The following NRXN1 variants were observed in gnomAD, a reference collection of about 807,000 sequenced individuals.
The protein encoded by NRXN1 is neurexin 1, also known as neurexin-1.
A neutral mutation model predicts 150.9 loss-of-function variants in NRXN1; 39 were observed. The ratio of observed to expected loss-of-function variants is 0.26; its 90% CI spans 0.20 to 0.34. NRXN1 has a LOEUF of 0.34. Among genes scored for constraint, NRXN1 ranks in the 10% least tolerant of loss-of-function variants. The probability of loss-of-function intolerance (pLI) is 1.00; values close to 1 mark genes in which losing one functional copy is unlikely to be tolerated. For synonymous variants in NRXN1, 924 were observed against 757.0 expected (o/e 1.22, Z -3.62); for missense variants, 1,815 against 1,949.9 (o/e 0.93, Z 1.30).
intron 17 of NRXN1, among the ~76,000 whole-genome samples, chr2:50,397,545 G>T (rs961293610): frequency 3.3e-5 from 5 of 152,058 alleles, no homozygotes; most frequent in African/African-American, 2.4e-5. Flanking sequence ...ACAGGTGAGG[G>T]CGTGAAGCTT....
chr2:50,697,707 T>A (rs1693131236), intron 5 of NRXN1, among the ~76,000 whole-genome samples: 1 of 152,216 alleles, frequency 6.6e-6, no homozygotes, highest in African/African-American at 2.4e-5. Flanking sequence ...AATCCTCAAA[T>A]AATATTTAGA....
At chr2:50,375,867 A>G (rs1213268228) in intron 17 of NRXN1, among the ~76,000 whole-genome samples, 1 of 152,138 alleles carries the variant, frequency 6.6e-6, no homozygotes, top group South Asian at 2.1e-4. Flanking sequence ...AAGTTTTTGG[A>G]AAAAACAATT....
intron 18 of NRXN1, among the ~76,000 whole-genome samples, chr2:50,134,667 T>C (rs986026461): frequency 2.6e-5 from 4 of 152,128 alleles, no homozygotes; most frequent in African/African-American, 9.7e-5. Flanking sequence ...CATCGCTTTT[T>C]CTCTCCCCTC....
intron 5 of NRXN1, among the ~76,000 whole-genome samples, chr2:50,794,112 G>A (rs1325461666): frequency 6.6e-6 from 1 of 152,086 alleles, no homozygotes; most frequent in Non-Finnish European, 1.5e-5. Context: ...ATAGTTCTGA[G>A]GCTGTGAAAC....
At position 50,498,941 on chromosome 2, in the gene NRXN1, T is replaced by C. The variant is rs186348119; in HGVS notation, c.2498-1227A>G. On this transcript the variant is annotated intron_variant, in intron 13 of 22. Transcript: ENST00000401669. ...CCATCATCCACATTATTAATGAAAA[T>C]ATTAATTAGAGCTAATCCCAGAATC... 1.7e-4 allele frequency among the ~76,000 whole-genome samples: 26 copies of C among 152,290 alleles called. No individual in the cohort carries two copies. The East Asian group carries it at 4.8e-3, about 28-fold the overall frequency.
At chr2:50,157,531 G>C (rs776251906) in intron 18 of NRXN1, among the ~76,000 whole-genome samples, 9 of 151,990 alleles carry the variant, frequency 5.9e-5, no homozygotes, top group Non-Finnish European at 1.0e-4. Context: ...ACATAATATA[G>C]GACTTACACA....
chr2:50,042,043 C>A (rs1006072301), intron 21 of NRXN1, among the ~76,000 whole-genome samples: 2 of 152,156 alleles, frequency 1.3e-5, no homozygotes, highest in African/African-American at 2.4e-5. Flanking sequence ...CATATCGCAT[C>A]CACCCCTTTT....
At chr2:50,035,114 G>T (rs1270017029) in intron 21 of NRXN1, among the ~76,000 whole-genome samples, 1 of 152,062 alleles carries the variant, frequency 6.6e-6, no homozygotes, top group African/African-American at 2.4e-5. Context: ...AGAAATAAAA[G>T]AATATAACCT....
chr2:51,016,787 A>G (rs1348513588), intron 2 of NRXN1, among the ~76,000 whole-genome samples: 1 of 152,186 alleles, frequency 6.6e-6, no homozygotes, highest in Admixed American at 6.5e-5. Context: ...TCATTCTACT[A>G]TAAAGACACA....
chr2:50,002,694 G>A lies in NRXN1; in HGVS notation c.4128+50577C>T, dbSNP rs908305630. The stretch of plus-strand genomic sequence containing the variant: ...TCTGTCATCCTTCCCTCATTTTTCT[G>A]CCCTGCTCTGTCCGCCATTCCCGAG... On this transcript the variant is annotated intron_variant, in intron 21 of 22. Transcript: ENST00000401669. Among the ~76,000 whole-genome samples, 3 of 151,928 alleles carry A rather than the reference G, an allele frequency of 2.0e-5. No homozygotes were observed. The South Asian group carries it at 6.2e-4, about 32-fold the overall frequency.
At chr2:50,384,132 T>G (rs755937856) in intron 17 of NRXN1, among the ~76,000 whole-genome samples, 1 of 152,172 alleles carries the variant, frequency 6.6e-6, no homozygotes, top group African/African-American at 2.4e-5. Flanking sequence ...TTTTCCTAAG[T>G]GACATCAAGC....
At chr2:50,945,274 G>C (rs528247551) in intron 2 of NRXN1, among the ~76,000 whole-genome samples, 12 of 152,214 alleles carry the variant, frequency 7.9e-5, no homozygotes, top group African/African-American at 2.6e-4. Context: ...CCAAGTTCTA[G>C]ACCAGCCTGG....
At chr2:50,504,140 T>A (rs1476523941) in intron 13 of NRXN1, among the ~76,000 whole-genome samples, 40 of 112,402 alleles carry the variant, frequency 3.6e-4, no homozygotes, top group South Asian at 6.0e-4. Flanking sequence ...ACATGACAAC[T>A]AAAAAAAAAA....
intron 21 of NRXN1, among the ~76,000 whole-genome samples, chr2:50,038,021 T>G (rs1690311423): frequency 6.6e-6 from 1 of 152,078 alleles, no homozygotes; most frequent in Non-Finnish European, 1.5e-5. Context: ...ATTCTACATT[T>G]CAAGAAAGAA....
At chr2:50,111,415 G>A (rs1421639685) in intron 18 of NRXN1, among the ~76,000 whole-genome samples, 1 of 152,102 alleles carries the variant, frequency 6.6e-6, no homozygotes, top group East Asian at 1.9e-4. Flanking sequence ...GTTGAGGCGG[G>A]CAGATCACTT....
rs556255033 is a variant in NRXN1, at chr2:50,469,985, C to T, written c.3244+2313G>A. Reference sequence around the variant, plus strand: ...AGTATATCCTGCTCCTCTTAATCTACTTGCTTCCGCCCACTCACTCACATT... The same window carrying T: ...AGTATATCCTGCTCCTCTTAATCTATTTGCTTCCGCCCACTCACTCACATT... On this transcript the variant is annotated intron_variant, in intron 16 of 22. Transcript: ENST00000401669. Among the ~76,000 whole-genome samples the T allele has an allele frequency of 1.3e-4, 20 of 151,542 alleles. 2 individuals carry two copies. In the South Asian group the frequency reaches 4.2e-3, roughly 32 times the overall value.
At chr2:50,169,133 G>A (rs888224034) in intron 18 of NRXN1, among the ~76,000 whole-genome samples, 5 of 152,090 alleles carry the variant, frequency 3.3e-5, no homozygotes, top group African/African-American at 1.2e-4. Flanking sequence ...CATAATGTTG[G>A]GTGGAAGCTA....
chr2:50,098,447 C>G (rs768880407), intron 18 of NRXN1, among the ~76,000 whole-genome samples: 41 of 152,084 alleles, frequency 2.7e-4, no homozygotes, highest in Admixed American at 9.8e-4. Flanking sequence ...AGCTCTAACA[C>G]TACCAGCAGG....
intron 8 of NRXN1, among the ~76,000 whole-genome samples, chr2:50,553,710 G>A (rs577462337): frequency 1.8e-4 from 28 of 152,338 alleles, no homozygotes; most frequent in African/African-American, 6.7e-4. Context: ...TTCAACCTGT[G>A]TTACTGGTGA....
Sources: allele counts gnomAD v4.1 joint callset (sites outside exome capture counted in the v4.1 genomes callset), GRCh38; gene constraint gnomAD v4.1.1; transcripts MANE v1.5; gene names NCBI Gene and HGNC (gene_info 2026-07-23, HGNC 2026-07-21).